VPS13B: variants seen among roughly 807,000 people sequenced by gnomAD.
VPS13B encodes vacuolar protein sorting 13 homolog B.
VPS13B carries 285 observed loss-of-function variants against 426.4 expected under a neutral mutation model. The ratio of observed to expected loss-of-function variants is 0.67; its 90% CI spans 0.61 to 0.74. VPS13B has a LOEUF of 0.74. Ranked by LOEUF, VPS13B falls within the 30% of genes least tolerant of loss-of-function variation. VPS13B has a pLI of 0.00. For synonymous variants in VPS13B, 1,676 were observed against 1,676.4 expected, an observed-to-expected ratio of 1.00 and a Z score of 0.01; for missense variants, 4,537 against 4,782.6, an observed-to-expected ratio of 0.95 and a Z score of 1.51.
At chr8:99,167,940 C>T (rs916974474) in intron 15 of VPS13B, among the ~76,000 whole-genome samples, 2 of 152,142 alleles carry the variant, frequency 1.3e-5, no homozygotes, top group Non-Finnish European at 2.9e-5. Context: ...CTTCAGTTTA[C>T]ACTGCTGGTT....
intron 55 of VPS13B, 119 bp downstream of exon 55, chr8:99,849,013 T>C: frequency 1.0e-6 from 1 of 966,352 alleles, no homozygotes; most frequent in Non-Finnish European, 1.6e-6. Context: ...TTAATTATCA[T>C]GTAATCCATA....
chr8:99,802,578 C>A (rs1224336731), intron 43 of VPS13B, among the ~76,000 whole-genome samples: 2 of 152,120 alleles, frequency 1.3e-5, no homozygotes, highest in African/African-American at 2.4e-5. Flanking sequence ...AATGCATAAT[C>A]CTATAACCCT....
chr8:99,720,589 T>G, intron 38 of VPS13B, 37 bp downstream of exon 38: 1 of 1,589,780 alleles, frequency 6.3e-7, no homozygotes, highest in South Asian at 1.1e-5. Flanking sequence ...AGTGTCTCTG[T>G]GCATGTGGTT....
rs1202203717 is a variant in VPS13B, at chr8:99,150,688, T to C, written c.2013+2678T>C. Among the ~76,000 whole-genome samples, 6 of 152,220 alleles carry C rather than the reference T, an allele frequency of 3.9e-5. 1 individual carries two copies. Among genetic ancestry groups the C allele is most frequent in the Non-Finnish European group, 1.5e-5 (1 of 68,032 alleles). On this transcript the variant is annotated intron_variant, in intron 14 of 61. Coordinates refer to ENST00000357162, the MANE Select transcript of VPS13B (RefSeq NM_152564.5). ...TTACTTAGTGATATGGATTTAAGTTTCCTCTTTGGCTTTTCATGGCTTGAT... is the reference window on the plus strand; with the variant it reads ...TTACTTAGTGATATGGATTTAAGTTCCCTCTTTGGCTTTTCATGGCTTGAT...
intron 17 of VPS13B, among the ~76,000 whole-genome samples, chr8:99,221,888 A>G (rs1392052088): frequency 1.3e-5 from 2 of 152,202 alleles, no homozygotes; most frequent in African/African-American, 2.4e-5. Context: ...CCTCAGCTTC[A>G]TATACATACT....
At chr8:99,841,260 G>A (rs1815667533) in intron 54 of VPS13B, among the ~76,000 whole-genome samples, 1 of 152,050 alleles carries the variant, frequency 6.6e-6, no homozygotes, top group Non-Finnish European at 1.5e-5. Flanking sequence ...CTGTCACCCA[G>A]TCACTCCCAG....
intron 16 of VPS13B, among the ~76,000 whole-genome samples, chr8:99,172,240 A>G (rs1483776269): frequency 2.0e-5 from 3 of 152,128 alleles, no homozygotes; most frequent in Admixed American, 6.6e-5. Flanking sequence ...GTGTGATTCT[A>G]TTTGTAGAGA....
chr8:99,514,679 A>G (rs1187228621), intron 29 of VPS13B, among the ~76,000 whole-genome samples: 3 of 152,162 alleles, frequency 2.0e-5, no homozygotes, highest in South Asian at 2.1e-4. Flanking sequence ...TTATTAATTA[A>G]TCTGTTGGGC....
chr8:99,460,630 A>G (rs573931608), intron 23 of VPS13B, among the ~76,000 whole-genome samples: 61 of 152,218 alleles, frequency 4.0e-4, no homozygotes, highest in African/African-American at 1.3e-3. Context: ...AAGGTCTGCC[A>G]CCATTGAATA....
At chr8:99,809,253 A>G in intron 43 of VPS13B, 122 bp from the exon 44 acceptor site, 1 of 1,270,476 alleles carries the variant, frequency 7.9e-7, no homozygotes, top group South Asian at 1.3e-5. Context: ...AATGCAGGTT[A>G]GAAAGAAAAC....
At chr8:99,332,986 C>G (rs577986761) in intron 19 of VPS13B, among the ~76,000 whole-genome samples, 68 of 151,642 alleles carry the variant, frequency 4.5e-4, no homozygotes, top group African/African-American at 1.6e-3. Context: ...AGACTTCAGA[C>G]AGTGCTTTAT....
intron 51 of VPS13B, among the ~76,000 whole-genome samples, chr8:99,830,070 C>T (rs904853633): frequency 3.3e-5 from 5 of 152,178 alleles, no homozygotes; most frequent in Non-Finnish European, 5.9e-5. Flanking sequence ...TCAGGAGGCT[C>T]GGGGGTCAGG....
intron 13 of VPS13B, among the ~76,000 whole-genome samples, chr8:99,147,508 T>C (rs1488676050): frequency 6.6e-6 from 1 of 152,174 alleles, no homozygotes; most frequent in Non-Finnish European, 1.5e-5. Flanking sequence ...CTGTAGCAAA[T>C]ATTTTCTGTC....
chr8:99,717,941 G>A (rs534906421), intron 37 of VPS13B, among the ~76,000 whole-genome samples: 1 of 152,208 alleles, frequency 6.6e-6, no homozygotes, highest in Non-Finnish European at 1.5e-5. Flanking sequence ...TAGACATTTG[G>A]GTTCTTTCCA....
Position 99,821,351 on chromosome 8 carries a change from G to A in VPS13B, c.9052G>A (p.Ala3018Thr). 2 of 1,613,860 alleles carry A rather than the reference G, an allele frequency of 1.2e-6. No individual in the cohort carries two copies. The highest frequency in any genetic ancestry group is 1.7e-6 in the Non-Finnish European group (2 of 1,179,830). Reference sequence around the variant, plus strand: ...TACAAACACTGTGCACAAGTCAGTAGCAATTAAACTGGTCCATAACCTGAC... The same window carrying A: ...TACAAACACTGTGCACAAGTCAGTAACAATTAAACTGGTCCATAACCTGAC... Reference protein sequence around the residue: ...ANTNTVHKSVAIKLVHNLTSP... With the variant: ...ANTNTVHKSVTIKLVHNLTSP... Residue 3018 changes from alanine to threonine, a missense_variant, in exon 50 of 62, where the codon GCA (alanine) becomes ACA (threonine). Physicochemically the swap from Ala to Thr is moderately conservative, Grantham distance 58. Coordinates refer to ENST00000357162, the MANE Select transcript of VPS13B (RefSeq NM_152564.5).
At chr8:99,498,350 A>G (rs1821043251) in intron 25 of VPS13B, among the ~76,000 whole-genome samples, 1 of 152,106 alleles carries the variant, frequency 6.6e-6, no homozygotes, top group Admixed American at 6.6e-5. Context: ...TTGAATATAG[A>G]GAACTTACTG....
intron 19 of VPS13B, among the ~76,000 whole-genome samples, chr8:99,364,249 A>G (rs1812715212): frequency 6.6e-6 from 1 of 152,214 alleles, no homozygotes; most frequent in African/African-American, 2.4e-5. Context: ...TTCTGTTGAT[A>G]TGATGTATCA....
In VPS13B at chr8:99,135,077, G is replaced by A. The variant is rs1187769339; in HGVS notation, c.1365G>A (p.Met455Ile). The A allele has an allele frequency of 3.1e-6, 5 of 1,613,476 alleles. No homozygotes were observed. The African/African-American group carries it at 6.7e-5, about 22-fold the overall frequency. The change falls in exon 10 of 62, where the codon ATG (methionine) becomes ATA (isoleucine). Residue 455 changes from methionine to isoleucine, a missense_variant. Transcript: ENST00000357162. ...TTGGGTTTGTTGGTTGCAGAGCCAT[G>A]TGCCTTAAAGGAATTATGGGTGTTA... ...CQIGFVGCRA[M>I]CLKGIMGVKD... is the part of the protein sequence containing the mutation.
intron 21 of VPS13B, among the ~76,000 whole-genome samples, chr8:99,406,151 T>C (rs544137627): frequency 2.0e-4 from 31 of 152,124 alleles, no homozygotes; most frequent in Admixed American, 1.8e-3. Context: ...CTAAAATAGG[T>C]CTGTACCACT....
Sources: allele counts gnomAD v4.1 joint callset (sites outside exome capture counted in the v4.1 genomes callset), GRCh38; gene constraint gnomAD v4.1.1; transcripts MANE v1.5; gene names NCBI Gene and HGNC (gene_info 2026-07-23, HGNC 2026-07-21).